Variants in EYA3 observed in about 807,000 individuals in gnomAD.
The protein encoded by EYA3 is protein phosphatase EYA3.
In EYA3, 39 loss-of-function variants were observed where a neutral mutation model predicts 80.0. The observed-to-expected ratio is 0.49, with a 90% confidence interval of 0.38 to 0.64. The LOEUF (loss-of-function observed/expected upper bound fraction) is 0.64, where lower values mean the gene tolerates loss of function less well. Ranked by LOEUF, EYA3 falls within the 30% of genes least tolerant of loss-of-function variation. EYA3 has a pLI of 0.00. For synonymous variants in EYA3, 206 were observed against 232.8 expected (o/e 0.88, Z 1.05); for missense variants, 523 against 676.1 (o/e 0.77, Z 2.51).
intron 4 of EYA3, among the ~76,000 whole-genome samples, chr1:28,042,230 AC>A (rs1409706674): frequency 6.6e-6 from 1 of 152,164 alleles, no homozygotes; most frequent in Non-Finnish European, 1.5e-5. Flanking sequence ...AAAAAGTTAC[AC>A]CTTTTTAAAA....
chr1:27,996,257 A>G (rs976754884), intron 13 of EYA3, among the ~76,000 whole-genome samples: 3 of 152,242 alleles, frequency 2.0e-5, no homozygotes, highest in African/African-American at 7.2e-5. Context: ...GGAAGGATTA[A>G]TATTTCATAA....
At chr1:28,005,630 A>T (rs1641210552) in intron 10 of EYA3, among the ~76,000 whole-genome samples, 1 of 151,904 alleles carries the variant, frequency 6.6e-6, no homozygotes, top group South Asian at 2.1e-4. Flanking sequence ...CGGGAGGATC[A>T]CTTGGGCGTG....
intron 7 of EYA3, among the ~76,000 whole-genome samples, chr1:28,020,227 C>G (rs542956344): frequency 6.6e-6 from 1 of 152,156 alleles, no homozygotes; most frequent in East Asian, 1.9e-4. Context: ...TAGTTGATAA[C>G]TCTGAGTTTT....
intron 16 of EYA3, among the ~76,000 whole-genome samples, chr1:27,978,967 A>C (rs1639130571): frequency 1.3e-5 from 2 of 152,160 alleles, no homozygotes; most frequent in South Asian, 4.1e-4. Context: ...GTCTCAAAAC[A>C]AACAAACAAA....
intron 5 of EYA3, among the ~76,000 whole-genome samples, chr1:28,036,083 G>A (rs770297283): frequency 3.5e-4 from 54 of 152,286 alleles, no homozygotes; most frequent in Non-Finnish European, 6.2e-4. Context: ...CCAAACTGCT[G>A]GGATTACAGG....
Position 28,048,418 on chromosome 1 carries a change from T to C in EYA3, c.42A>G (p.Lys14=), listed in dbSNP as rs749177439. 18 of 1,611,390 alleles carry C rather than the reference T, an allele frequency of 1.1e-5. No homozygotes were observed. Among genetic ancestry groups the C allele is most frequent in the Non-Finnish European group, 1.5e-5 (18 of 1,178,394 alleles). The change falls in exon 3 of 18, where the codon AAA becomes AAG. Residue 14 remains lysine, a synonymous_variant. Coordinates refer to ENST00000373871, the MANE Select transcript of EYA3 (RefSeq NM_001990.4). The part of the protein sequence containing the change: ...EQDLPEQPVK[K]AKMQESGEQT... The stretch of plus-strand genomic sequence containing the variant: ...GCTCTCCTGATTCCTGCATCTTGGC[T>C]TTTTTCACCTGCAAAAATAAATATA...
intron 5 of EYA3, among the ~76,000 whole-genome samples, chr1:28,038,490 T>G (rs1643591177): frequency 6.8e-6 from 1 of 146,046 alleles, no homozygotes; most frequent in Non-Finnish European, 1.5e-5. Flanking sequence ...ACTGAGAAAT[T>G]CAGTCTTGTT....
chr1:28,040,031 G>C (rs927921520), intron 4 of EYA3, among the ~76,000 whole-genome samples: 2 of 152,082 alleles, frequency 1.3e-5, no homozygotes, highest in Non-Finnish European at 2.9e-5. Flanking sequence ...AACATCCTAG[G>C]AGACTGAGGC....
At position 27,974,416 on chromosome 1, in the gene EYA3, C is replaced by T; in HGVS notation, c.*50G>A. 1.4e-6 allele frequency: 2 copies of T among 1,457,022 alleles called. No individual in the cohort carries two copies. The highest frequency in any genetic ancestry group is 1.9e-6 in the Non-Finnish European group (2 of 1,046,480). 90.3% of individuals were successfully genotyped at this position (1,457,022 alleles called of 1,614,324 possible). A position where few individuals can be genotyped will look rare whatever the true frequency, so the allele number is the denominator to read the frequency against. ...TCTCAGTTGGTTCCAGTCTCCAGCT[C>T]CCTTCAGGAGTGAAAAGGAGCTCAA... On this transcript the variant is annotated 3_prime_UTR_variant, in exon 18 of 18. Coordinates refer to ENST00000373871, the MANE Select transcript of EYA3 (RefSeq NM_001990.4).
At chr1:28,029,131 G>A (rs1202313422) in intron 6 of EYA3, among the ~76,000 whole-genome samples, 3 of 152,070 alleles carry the variant, frequency 2.0e-5, no homozygotes. Flanking sequence ...CATCATAGCT[G>A]TTCATTTTTA....
rs556092662 is a variant in EYA3 at position 28,047,218 on chromosome 1, C to T, written c.77+1165G>A. The stretch of plus-strand genomic sequence containing the variant: ...CGCATTCTTGGCTCACTGTAACCTC[C>T]GCCTCGTGGGTTCAAGCCATTCTCC... On this transcript the variant is annotated intron_variant, in intron 3 of 17. Transcript: ENST00000373871. Among the ~76,000 whole-genome samples, 19 of 151,844 alleles carry T rather than the reference C, an allele frequency of 1.3e-4. No individual in the cohort carries two copies. The South Asian group carries it at 2.3e-3, about 18-fold the overall frequency.
intron 1 of EYA3, among the ~76,000 whole-genome samples, chr1:28,063,553 G>C (rs896335323): frequency 3.3e-5 from 5 of 151,694 alleles, no homozygotes; most frequent in African/African-American, 1.2e-4. Context: ...TTGCCATGTT[G>C]GCCAGGATGG....
intron 1 of EYA3, among the ~76,000 whole-genome samples, chr1:28,065,770 C>T (rs1255459432): frequency 2.8e-5 from 4 of 144,566 alleles, no homozygotes; most frequent in Non-Finnish European, 4.5e-5. Flanking sequence ...TCTGGGAGGC[C>T]GAGGCGGGCG....
intron 10 of EYA3, among the ~76,000 whole-genome samples, chr1:28,007,457 C>G (rs1176884425): frequency 4.6e-5 from 7 of 151,746 alleles, no homozygotes; most frequent in Non-Finnish European, 1.0e-4. Context: ...GCCTTAGCCT[C>G]CCGAGTAGCT....
intron 7 of EYA3, among the ~76,000 whole-genome samples, chr1:28,020,155 A>G (rs919665171): frequency 6.6e-6 from 1 of 152,210 alleles, no homozygotes; most frequent in African/African-American, 2.4e-5. Context: ...GGTAGACCTT[A>G]AAAACAACTA....
chr1:27,974,228 T>C lies in EYA3; in HGVS notation c.*238A>G. On this transcript the variant is annotated 3_prime_UTR_variant, in exon 18 of 18. Transcript: ENST00000373871. ...AAAAATTGCAGCTGTTGGTTCTGATTGTGTTCTCGCCAGCATTCCATGGAT... is the reference window on the plus strand; with the variant it reads ...AAAAATTGCAGCTGTTGGTTCTGATCGTGTTCTCGCCAGCATTCCATGGAT... 3.2e-6 allele frequency: 1 copy of C among 316,698 alleles called. No homozygotes were observed. Among genetic ancestry groups the C allele is most frequent in the East Asian group, 5.3e-5 (1 of 18,836 alleles). 19.6% of individuals were successfully genotyped at this position (316,698 alleles called of 1,614,324 possible).
Position 27,971,688 on chromosome 1 carries a change from C to G in EYA3, c.*2778G>C, listed in dbSNP as rs868387982. 6.6e-6 allele frequency: 1 copy of G among 150,708 alleles called. No homozygotes were observed. The highest frequency in any genetic ancestry group is 1.5e-5 in the Non-Finnish European group (1 of 67,720). 9.3% of individuals were successfully genotyped at this position (150,708 alleles called of 1,614,324 possible). ...TCATTTGGCTAATTTCATGAGGACT[C>G]TAATGAAGAGGGTCTCCCCCTTGAT... On this transcript the variant is annotated 3_prime_UTR_variant, in exon 18 of 18. Coordinates refer to ENST00000373871, the MANE Select transcript of EYA3 (RefSeq NM_001990.4).
chr1:28,026,688 C>A (rs1021162791), intron 7 of EYA3, among the ~76,000 whole-genome samples: 1 of 151,628 alleles, frequency 6.6e-6, no homozygotes. Flanking sequence ...ACAGGCAAAG[C>A]CATTCTTTCA....
chr1:28,079,200 T>C (rs1445380349), intron 1 of EYA3, among the ~76,000 whole-genome samples: 1 of 152,170 alleles, frequency 6.6e-6, no homozygotes, highest in Admixed American at 6.6e-5. Context: ...AATAGTAGAG[T>C]ATGTCTGCTG....
Sources: allele counts gnomAD v4.1 joint callset (sites outside exome capture counted in the v4.1 genomes callset), GRCh38; gene constraint gnomAD v4.1.1; transcripts MANE v1.5; gene names NCBI Gene and HGNC (gene_info 2026-07-23, HGNC 2026-07-21).